The following KAZN variants were observed in gnomAD, a reference collection of about 807,000 sequenced individuals.
The protein encoded by KAZN is kazrin, periplakin interacting protein.
A neutral mutation model predicts 87.4 loss-of-function variants in KAZN; 40 were observed. The observed-to-expected ratio is 0.46, with a 90% confidence interval of 0.36 to 0.60. KAZN has a LOEUF of 0.60. Among genes scored for constraint, KAZN ranks in the 20% least tolerant of loss-of-function variants. KAZN has a pLI of 0.00. For synonymous variants in KAZN, 466 were observed against 458.3 expected (o/e 1.02, Z -0.22); for missense variants, 898 against 1,073.9 (o/e 0.84, Z 2.29).
At chr1:14,225,828 A>G (rs1269823335) in intron 2 of KAZN, among the ~76,000 whole-genome samples, 1 of 152,114 alleles carries the variant, frequency 6.6e-6, no homozygotes, top group East Asian at 1.9e-4. Context: ...TTGAAACTGG[A>G]CCCTGCATTT....
intron 1 of KAZN, among the ~76,000 whole-genome samples, chr1:14,939,481 C>T (rs1183536825): frequency 2.0e-5 from 3 of 151,864 alleles, no homozygotes; most frequent in African/African-American, 7.3e-5. Flanking sequence ...CACTTGTTGC[C>T]CAGGCTGGTC....
At chr1:13,988,383 T>C (rs940479456) in intron 1 of KAZN, among the ~76,000 whole-genome samples, 1 of 152,194 alleles carries the variant, frequency 6.6e-6, no homozygotes, top group African/African-American at 2.4e-5. Context: ...TAAAATTTTA[T>C]ATCTTGTCCA....
intron 1 of KAZN, among the ~76,000 whole-genome samples, chr1:14,160,366 C>A (rs1236605109): frequency 6.6e-6 from 1 of 152,188 alleles, no homozygotes; most frequent in African/African-American, 2.4e-5. Flanking sequence ...GAGTTCAATG[C>A]CTCATAAATG....
At chr1:14,436,734 A>AAAAAACAAAAACAAAAAC (rs563539375) in intron 2 of KAZN, among the ~76,000 whole-genome samples, 2 of 137,406 alleles carry the variant, frequency 1.5e-5, no homozygotes, top group African/African-American at 5.4e-5. Flanking sequence ...AAAAAAAAAA[A>AAAAAACAAAAACAAAAAC]AAAACCTTAA....
chr1:14,178,213 G>A (rs1006083870), intron 1 of KAZN, among the ~76,000 whole-genome samples: 5 of 152,060 alleles, frequency 3.3e-5, no homozygotes, highest in African/African-American at 4.8e-5. Context: ...GGAACTATGC[G>A]TCAATGAAAC....
At chr1:15,007,862 T>C (rs1669191002) in intron 2 of KAZN, among the ~76,000 whole-genome samples, 1 of 152,102 alleles carries the variant, frequency 6.6e-6, no homozygotes, top group Admixed American at 6.5e-5. Context: ...CCTGATAGAG[T>C]TATCAGTTCA....
intron 1 of KAZN, among the ~76,000 whole-genome samples, chr1:14,647,822 G>A (rs896728329): frequency 1.3e-5 from 2 of 152,088 alleles, no homozygotes; most frequent in South Asian, 2.1e-4. Flanking sequence ...GATTTCTCCC[G>A]CACCTTAACC....
At chr1:14,699,435 G>A (rs1411634976) in intron 1 of KAZN, among the ~76,000 whole-genome samples, 1 of 152,204 alleles carries the variant, frequency 6.6e-6, no homozygotes, top group Non-Finnish European at 1.5e-5. Context: ...ATTATGCCCG[G>A]CCTTAGGCTA....
At chr1:14,871,827 C>A (rs1652174157) in intron 1 of KAZN, among the ~76,000 whole-genome samples, 1 of 151,970 alleles carries the variant, frequency 6.6e-6, no homozygotes, top group Non-Finnish European at 1.5e-5. Flanking sequence ...GTGGGGTCAG[C>A]CCCACGTGAG....
chr1:14,017,439 C>T (rs769020159), intron 1 of KAZN, among the ~76,000 whole-genome samples: 21 of 152,234 alleles, frequency 1.4e-4, no homozygotes, highest in Non-Finnish European at 2.8e-4. Flanking sequence ...TGATTGAACA[C>T]TTGCTATATT....
At chr1:13,945,702 T>A (rs1641118171) in intron 1 of KAZN, among the ~76,000 whole-genome samples, 1 of 140,236 alleles carries the variant, frequency 7.1e-6, no homozygotes, top group African/African-American at 2.7e-5. Context: ...TGTGTGTGTG[T>A]GTGTGTGTGA....
intron 1 of KAZN, among the ~76,000 whole-genome samples, chr1:14,113,876 C>T (rs1462953830): frequency 1.3e-5 from 2 of 152,180 alleles, no homozygotes; most frequent in Admixed American, 1.3e-4. Flanking sequence ...GCAAAGACGC[C>T]AGTGGGGCAT....
intron 8 of KAZN, among the ~76,000 whole-genome samples, chr1:15,090,515 C>T (rs988816212): frequency 4.6e-5 from 7 of 152,244 alleles, no homozygotes; most frequent in African/African-American, 1.4e-4. Context: ...GCCTGCACCC[C>T]GGCCTGACAG....
intron 2 of KAZN, among the ~76,000 whole-genome samples, chr1:14,272,441 G>T (rs965039393): frequency 6.6e-6 from 1 of 152,208 alleles, no homozygotes; most frequent in Non-Finnish European, 1.5e-5. Flanking sequence ...AAATGTTACT[G>T]TGTAGCAAAT....
intron 2 of KAZN, among the ~76,000 whole-genome samples, chr1:14,457,704 A>T (rs929253894): frequency 4.6e-5 from 7 of 152,232 alleles, no homozygotes; most frequent in Non-Finnish European, 1.0e-4. Context: ...TATCACTATA[A>T]GATTAGTTCG....
intron 1 of KAZN, among the ~76,000 whole-genome samples, chr1:14,631,877 G>A (rs1679597651): frequency 6.6e-6 from 1 of 152,214 alleles, no homozygotes; most frequent in African/African-American, 2.4e-5. Flanking sequence ...AGCAGTGAGA[G>A]ACATCTGGGG....
intron 2 of KAZN, among the ~76,000 whole-genome samples, chr1:14,215,568 A>G (rs1646941176): frequency 6.6e-6 from 1 of 152,220 alleles, no homozygotes; most frequent in Non-Finnish European, 1.5e-5. Context: ...GAATAGCCTT[A>G]ACTTTCTGCA....
intron 7 of KAZN, 144 bp from the exon 8 acceptor site, chr1:15,065,486 T>C: frequency 1.4e-6 from 1 of 717,150 alleles, no homozygotes. Flanking sequence ...TTCTCAGCCA[T>C]CCCAGCCCGT....
chr1:13,949,790 A>G (rs1641278842), intron 1 of KAZN, among the ~76,000 whole-genome samples: 1 of 152,220 alleles, frequency 6.6e-6, no homozygotes, highest in Non-Finnish European at 1.5e-5. Context: ...CCAGACAGGC[A>G]GACCCCAAAG....
Sources: allele counts gnomAD v4.1 joint callset (sites outside exome capture counted in the v4.1 genomes callset), GRCh38; gene constraint gnomAD v4.1.1; transcripts MANE v1.5; gene names NCBI Gene and HGNC (gene_info 2026-07-23, HGNC 2026-07-21).